RAB27A: variants seen among roughly 807,000 people sequenced by gnomAD.
The protein encoded by RAB27A is ras-related protein Rab-27A.
In RAB27A, 17 loss-of-function variants were observed where a neutral mutation model predicts 20.8. The observed-to-expected ratio is 0.82, with a 90% confidence interval of 0.56 to 1.23. RAB27A has a LOEUF of 1.23. RAB27A is among the 50% of genes most tolerant of loss of function. The pLI, the probability that RAB27A is intolerant of heterozygous loss-of-function variation, is 0.00. For missense variants in RAB27A, 277 were observed against 266.7 expected (o/e 1.04, Z -0.27); for synonymous variants, 85 against 92.8 (o/e 0.92, Z 0.48).
chr15:55,292,457 T>C (rs376178501), upstream of RAB27A, among the ~76,000 whole-genome samples: 3 of 152,284 alleles, frequency 2.0e-5, no homozygotes, highest in East Asian at 5.8e-4. Context: ...AAGTGAGGGA[T>C]AATAGCGATC....
chr15:55,225,031 G>A (rs764474528), intron 5 of RAB27A, among the ~76,000 whole-genome samples: 7 of 152,268 alleles, frequency 4.6e-5, no homozygotes, highest in East Asian at 1.9e-4. Context: ...ACCTACAGAG[G>A]ACAGACTAAA....
At chr15:55,264,795 T>C (rs992789179) in intron 2 of RAB27A, among the ~76,000 whole-genome samples, 4 of 152,164 alleles carry the variant, frequency 2.6e-5, no homozygotes, top group African/African-American at 9.7e-5. Context: ...CATTCAGTCA[T>C]TTAAGCAGTA....
At chr15:55,319,120 C>G (rs557088907), upstream of RAB27A, 34 of 1,133,120 alleles carry the variant, frequency 3.0e-5, no homozygotes, top group Non-Finnish European at 3.9e-5. Flanking sequence ...CGGGTGGGAG[C>G]TACGAAGTTG....
chr15:55,262,378 CA>C (rs1028422089), intron 2 of RAB27A, among the ~76,000 whole-genome samples: 3 of 151,344 alleles, frequency 2.0e-5, no homozygotes, highest in Admixed American at 2.0e-4. Flanking sequence ...CGTCTCTACT[CA>C]AAATACAAAA....
intron 2 of RAB27A, among the ~76,000 whole-genome samples, chr15:55,298,312 A>G (rs991998013): frequency 6.6e-6 from 1 of 152,112 alleles, no homozygotes; most frequent in Non-Finnish European, 1.5e-5. Context: ...CTTGAGAAAT[A>G]AAGGGACAGA....
At chr15:55,308,386 A>T (rs1291814181) in intron 2 of RAB27A, among the ~76,000 whole-genome samples, 4 of 152,104 alleles carry the variant, frequency 2.6e-5, no homozygotes, top group African/African-American at 9.7e-5. Flanking sequence ...ATATATATTT[A>T]CCCTTTTTCC....
chr15:55,210,027 T>TATATGTGTACATGTACATATATACGC (rs1894903579), intron 6 of RAB27A, among the ~76,000 whole-genome samples: 2 of 143,210 alleles, frequency 1.4e-5, no homozygotes, highest in African/African-American at 5.2e-5. Flanking sequence ...TATACGCATA[T>TATATGTGTACATGTACATATATACGC]ATATGTGTGT....
rs1281696941 is a variant in RAB27A, at chr15:55,303,890, C to T, written c.-112+10149G>A. ...GCCGGCCCGTCCGGGAGGTGAGGGG[C>T]GCCTCTGCCCGGCCGCCCCTACTGG... On this transcript the variant is annotated intron_variant, in intron 2 of 5. Coordinates refer to the RAB27A transcript ENST00000563262. 4.6e-4 allele frequency among the ~76,000 whole-genome samples: 67 copies of T among 144,612 alleles called. 3 individuals are homozygous for T. The highest frequency in any genetic ancestry group is 1.7e-3 in the African/African-American group (64 of 37,256). The allele number at this position is 144,612 out of a possible 152,430, so 94.9% of individuals were successfully genotyped here. A position where few individuals can be genotyped will look rare whatever the true frequency, so the allele number is the denominator to read the frequency against.
intron 3 of RAB27A, 69 bp from the exon 4 acceptor site, chr15:55,230,555 G>T: frequency 1.5e-6 from 2 of 1,305,208 alleles, no homozygotes; most frequent in Non-Finnish European, 1.1e-6. Context: ...TCACCTTTTT[G>T]TTCAGTACAA....
intron 1 of RAB27A, among the ~76,000 whole-genome samples, chr15:55,274,580 C>A (rs1036685388): frequency 3.3e-5 from 5 of 151,200 alleles, no homozygotes; most frequent in African/African-American, 1.2e-4. Context: ...GAGTTTGAGA[C>A]CAGCCTGACC....
chr15:55,209,840 G>GTATATA lies in RAB27A; in HGVS notation c.468-4136_468-4135insTATATA, dbSNP rs1216541391. On this transcript the variant is annotated intron_variant, in intron 6 of 6. Coordinates refer to ENST00000336787, the MANE Select transcript of RAB27A (RefSeq NM_183235.3). ...TGTGTGTATATATACATATATGTGTGTACACATATATGTGTGTATATACAT... is the reference window on the plus strand; with the variant it reads ...TGTGTGTATATATACATATATGTGTGTATATATACACATATATGTGTGTATATACAT... Among the ~76,000 whole-genome samples the GTATATA allele has an allele frequency of 4.9e-5, 5 of 101,816 alleles. 1 individual carries two copies. Among genetic ancestry groups the GTATATA allele is most frequent in the South Asian group, 2.9e-4 (1 of 3,416 alleles). 66.8% of individuals were successfully genotyped at this position (101,816 alleles called of 152,430 possible).
intron 6 of RAB27A, among the ~76,000 whole-genome samples, chr15:55,218,923 G>A (rs1276800189): frequency 6.6e-6 from 1 of 151,740 alleles, no homozygotes; most frequent in African/African-American, 2.4e-5. Flanking sequence ...TTATATTTTT[G>A]TAGAGACGGG....
chr15:55,264,309 C>A (rs541651702), intron 2 of RAB27A, among the ~76,000 whole-genome samples: 46 of 152,330 alleles, frequency 3.0e-4, no homozygotes, highest in Admixed American at 2.7e-3. Context: ...CCTCGGCCTC[C>A]CAAAGTACTG....
chr15:55,257,796 C>T (rs1194743976), intron 2 of RAB27A, among the ~76,000 whole-genome samples: 1 of 152,172 alleles, frequency 6.6e-6, no homozygotes, highest in Non-Finnish European at 1.5e-5. Context: ...AGATCGAGAC[C>T]AGCCTGGCCA....
chr15:55,264,165 C>G lies in RAB27A; in HGVS notation c.-23+6000G>C, dbSNP rs187523061. On this transcript the variant is annotated intron_variant, in intron 2 of 6. Transcript: ENST00000336787. ...CTCTGGATTCAGGTGATTCTCATGC[C>G]TCAGCCTCCCAAGTAGTTGGGAGTA... 4.5e-4 allele frequency among the ~76,000 whole-genome samples: 69 copies of G among 152,292 alleles called. 1 individual carries two copies. The highest frequency in any genetic ancestry group is 1.4e-3 in the African/African-American group (60 of 41,558).
At chr15:55,275,981 C>T (rs1473964210) in intron 1 of RAB27A, among the ~76,000 whole-genome samples, 1 of 147,706 alleles carries the variant, frequency 6.8e-6, no homozygotes, top group Non-Finnish European at 1.5e-5. Flanking sequence ...AAAAGGGAAC[C>T]TTGTACGCTG....
In RAB27A at chr15:55,253,442, G is replaced by A. The variant is rs368819951; in HGVS notation, c.-23+16723C>T. Among the ~76,000 whole-genome samples the A allele has an allele frequency of 2.2e-5, 3 of 138,186 alleles. 1 individual carries two copies. Among genetic ancestry groups the A allele is most frequent in the South Asian group, 2.5e-4 (1 of 4,080 alleles). The allele number at this position is 138,186 out of a possible 152,430, so 90.7% of individuals were successfully genotyped here. On this transcript the variant is annotated intron_variant, in intron 2 of 6. Coordinates refer to ENST00000336787, the MANE Select transcript of RAB27A (RefSeq NM_183235.3). ...AGCCTGGGTGACAGAGCGAGACTCC[G>A]TCTCAAAGGAAAAAAAAAAAGAAAG...
chr15:55,257,630 C>T (rs746499908), intron 2 of RAB27A, among the ~76,000 whole-genome samples: 2 of 152,196 alleles, frequency 1.3e-5, no homozygotes, highest in Non-Finnish European at 2.9e-5. Flanking sequence ...CTGCAATAGG[C>T]ACCTCCTCAG....
intron 2 of RAB27A, among the ~76,000 whole-genome samples, chr15:55,304,535 A>G (rs1373528494): frequency 6.6e-6 from 1 of 151,904 alleles, no homozygotes; most frequent in Non-Finnish European, 1.5e-5. Flanking sequence ...CCTTCATTCA[A>G]CCCCTGTCAG....
Sources: allele counts gnomAD v4.1 joint callset (sites outside exome capture counted in the v4.1 genomes callset), GRCh38; gene constraint gnomAD v4.1.1; transcripts MANE v1.5; gene names NCBI Gene and HGNC (gene_info 2026-07-23, HGNC 2026-07-21).